Variants in SYTL5 observed in about 807,000 individuals in gnomAD.
SYTL5 encodes synaptotagmin like 5.
Under a neutral mutation model 55.9 loss-of-function variants are expected in SYTL5, and 34 were observed. The ratio of observed to expected loss-of-function variants is 0.61; its 90% CI spans 0.46 to 0.81. SYTL5 has a LOEUF of 0.81. Ranked by LOEUF, SYTL5 falls within the 30% of genes least tolerant of loss-of-function variation. The pLI is 0.00. For missense variants in SYTL5, 637 were observed against 546.7 expected (o/e 1.17, Z -1.65); for synonymous variants, 221 against 188.7 (o/e 1.17, Z -1.40).
chrX:37,905,781 G>A, the SYTL5 span, among the ~76,000 whole-genome samples: 1 of 112,954 alleles, frequency 8.9e-6, no homozygotes, highest in Non-Finnish European at 1.9e-5. Flanking sequence ...GCCGAGAAGA[G>A]GGAGATCCAC....
chrX:38,024,738 A>T (rs1187835608), intron 1 of SYTL5, among the ~76,000 whole-genome samples: 1 of 111,773 alleles, frequency 8.9e-6, no homozygotes, highest in East Asian at 2.8e-4. Context: ...AATAAGTGTT[A>T]GTGGTTATTA....
chrX:38,035,110 C>T (rs892350156), intron 2 of SYTL5, among the ~76,000 whole-genome samples: 1 of 112,098 alleles, frequency 8.9e-6, no homozygotes, highest in Non-Finnish European at 1.9e-5. Context: ...GTTAAGAGCC[C>T]AGAAGCTTCA....
chrX:38,064,067 A>ATGTG (rs10593206), intron 3 of SYTL5, among the ~76,000 whole-genome samples: 132 of 100,044 alleles, frequency 1.3e-3, no homozygotes, highest in African/African-American at 4.7e-3. Flanking sequence ...ACATATATAT[A>ATGTG]TGTGTGTGTG....
Position 38,089,546 on chromosome X carries a change from C to G in SYTL5, c.790C>G (p.Pro264Ala). Residue 264 changes from proline to alanine, a missense_variant, in exon 7 of 17, where the codon CCA becomes GCA. Pro to Ala is a conservative substitution (Grantham distance 27). Transcript: ENST00000297875. ...TGTGACCCCAGGCACTCAGAGTTCACCAGCCCCAAGCACACGAACTGTGAC... is the reference window on the plus strand; with the variant it reads ...TGTGACCCCAGGCACTCAGAGTTCAGCAGCCCCAAGCACACGAACTGTGAC... ...NGVTPGTQSS[P>A]APSTRTVTSV... The G allele has an allele frequency of 8.3e-7, 1 of 1,210,781 alleles. No individual in the cohort carries two copies. Among genetic ancestry groups the G allele is most frequent in the Non-Finnish European group, 1.1e-6 (1 of 895,075 alleles).
At chrX:37,926,434 G>T in the SYTL5 span, among the ~76,000 whole-genome samples, 1 of 110,451 alleles carries the variant, frequency 9.1e-6, no homozygotes, top group Non-Finnish European at 1.9e-5. Context: ...AAGAGCAGGG[G>T]CTTTGTCATT....
At chrX:38,003,282 A>C (rs1415774530), upstream of SYTL5, among the ~76,000 whole-genome samples, 2 of 111,692 alleles carry the variant, frequency 1.8e-5, no homozygotes, top group Non-Finnish European at 3.8e-5. Flanking sequence ...CTTGTAGTAT[A>C]GTTTGAAGTC....
At chrX:38,100,643 T>C (rs768195525) in intron 9 of SYTL5, among the ~76,000 whole-genome samples, 2 of 111,151 alleles carry the variant, frequency 1.8e-5, no homozygotes, top group Non-Finnish European at 3.8e-5. Flanking sequence ...AACAATACCA[T>C]CTGTTTGCAG....
chrX:37,987,821 A>T, the SYTL5 span, among the ~76,000 whole-genome samples: 1 of 112,099 alleles, frequency 8.9e-6, no homozygotes, highest in Non-Finnish European at 1.9e-5. Flanking sequence ...GAACAGTGGG[A>T]CATCATCTGC....
chrX:38,028,059 T>C (rs56327530), intron 1 of SYTL5, among the ~76,000 whole-genome samples: 32,702 of 110,277 alleles, frequency 0.3, 6,974 homozygotes, highest in African/African-American at 0.75. Context: ...CTCCTGACCT[T>C]GTGATCTGCC....
the SYTL5 span, chrX:37,991,395 G>A: frequency 5.9e-6 from 4 of 679,764 alleles, no homozygotes; most frequent in African/African-American, 6.6e-5. Flanking sequence ...TATCCCCAGA[G>A]AGCTGAAGGC....
the SYTL5 span, among the ~76,000 whole-genome samples, chrX:37,961,035 C>T: frequency 1.8e-5 from 2 of 109,859 alleles, no homozygotes; most frequent in Non-Finnish European, 3.8e-5. Flanking sequence ...CCACCTGCCT[C>T]GGCCTCCCAA....
the SYTL5 span, among the ~76,000 whole-genome samples, chrX:37,979,218 G>A: frequency 6.4e-5 from 7 of 110,184 alleles, no homozygotes; most frequent in African/African-American, 9.9e-5. Context: ...ATATTTAAAC[G>A]GGAAAAGTGG....
chrX:37,933,201 A>T, the SYTL5 span, among the ~76,000 whole-genome samples: 1 of 111,755 alleles, frequency 8.9e-6, no homozygotes, highest in East Asian at 2.8e-4. Flanking sequence ...TAATAAGAAC[A>T]CTGAAAAATG....
chrX:37,973,774 A>T, the SYTL5 span, among the ~76,000 whole-genome samples: 1 of 110,578 alleles, frequency 9.0e-6, no homozygotes, highest in African/African-American at 3.3e-5. Flanking sequence ...AGCTGGGATT[A>T]CAGGCACCCA....
At chrX:37,919,542 G>T in the SYTL5 span, among the ~76,000 whole-genome samples, 2 of 111,772 alleles carry the variant, frequency 1.8e-5, no homozygotes, top group African/African-American at 6.5e-5. Context: ...CTGATACATT[G>T]TAAACTCACC....
chrX:37,898,056 C>T, the SYTL5 span, among the ~76,000 whole-genome samples: 1,668 of 110,975 alleles, frequency 0.015, 34 homozygotes, highest in African/African-American at 0.052. Context: ...CAAGATCACG[C>T]GCCACTGCAC....
At chrX:37,986,830 C>T in the SYTL5 span, among the ~76,000 whole-genome samples, 2 of 111,776 alleles carry the variant, frequency 1.8e-5, no homozygotes, top group Non-Finnish European at 3.8e-5. Flanking sequence ...GAGCAGTAAG[C>T]AGGTTTCTAT....
the SYTL5 span, among the ~76,000 whole-genome samples, chrX:37,907,037 T>C: frequency 1.8e-5 from 2 of 112,285 alleles, no homozygotes; most frequent in South Asian, 3.8e-4. Flanking sequence ...TACTAATTAT[T>C]GTTATTTTTG....
At chrX:37,903,985 C>A in the SYTL5 span, among the ~76,000 whole-genome samples, 1 of 111,321 alleles carries the variant, frequency 9.0e-6, no homozygotes, top group Non-Finnish European at 1.9e-5. Context: ...CTGTGGCATT[C>A]TTGATGGTAG....
Sources: gnomAD v4.1 joint callset for allele counts (sites outside exome capture counted in the v4.1 genomes callset) on GRCh38, gnomAD v4.1.1 for gene constraint, MANE v1.5 for transcripts, NCBI Gene and HGNC (gene_info 2026-07-23, HGNC 2026-07-21) for gene names.